The following POLA1 variants were observed in gnomAD, a reference collection of about 807,000 sequenced individuals.
POLA1 encodes DNA polymerase alpha catalytic subunit.
POLA1 carries 15 observed loss-of-function variants against 124.0 expected under a neutral mutation model. That is an observed-to-expected ratio of 0.12 (90% CI 0.08 to 0.19). The LOEUF is 0.19. Among genes scored for constraint, POLA1 ranks in the 10% least tolerant of loss-of-function variants. The pLI is 1.00. For synonymous variants in POLA1, 408 were observed against 389.4 expected (o/e 1.05, Z -0.56); for missense variants, 886 against 1,103.4 (o/e 0.80, Z 2.79).
At chrX:24,790,907 ATATG>A (rs1430012245) in intron 26 of POLA1, among the ~76,000 whole-genome samples, 1,266 of 71,629 alleles carry the variant, frequency 0.018, 25 homozygotes, top group African/African-American at 0.066. Flanking sequence ...TTATTTATGT[ATATG>A]TATATATATA....
At chrX:24,729,351 G>C (rs1191331357) in intron 15 of POLA1, among the ~76,000 whole-genome samples, 1 of 111,384 alleles carries the variant, frequency 9.0e-6, no homozygotes, top group African/African-American at 3.3e-5. Flanking sequence ...GATGTCCCCG[G>C]GTCAGGGGAT....
At chrX:24,905,136 C>T (rs953369010) in intron 35 of POLA1, among the ~76,000 whole-genome samples, 1 of 109,660 alleles carries the variant, frequency 9.1e-6, no homozygotes, top group Non-Finnish European at 1.9e-5. Flanking sequence ...AACCATCACC[C>T]AGAACCCAGG....
Position 24,750,476 on chromosome X carries a change from G to A in POLA1, c.2964+1484G>A, listed in dbSNP as rs751044332. Among the ~76,000 whole-genome samples, 315 of 112,264 alleles carry A rather than the reference G, an allele frequency of 2.8e-3. 3 individuals are homozygous for A. Among genetic ancestry groups the A allele is most frequent in the African/African-American group, 9.6e-3 (297 of 30,946 alleles). ...AATGTAGCTAGTGGCTACTGTGTTG[G>A]ACAGTGCAGATCTAGCTGGTATATG... On this transcript the variant is annotated intron_variant, in intron 26 of 36. Transcript: ENST00000379068.
chrX:24,949,923 G>A (rs6628043), intron 36 of POLA1, among the ~76,000 whole-genome samples: 4 of 108,799 alleles, frequency 3.7e-5, no homozygotes, highest in East Asian at 2.9e-4. Context: ...TAGTTGAGAC[G>A]GGGGATCACC....
intron 34 of POLA1, among the ~76,000 whole-genome samples, chrX:24,882,685 GT>G (rs2047018213): frequency 5.4e-4 from 3 of 5,588 alleles, no homozygotes; most frequent in South Asian, 0.013. Flanking sequence ...ATATTCCATG[GT>G]GTGTGTGTGT....
intron 4 of POLA1, among the ~76,000 whole-genome samples, chrX:24,708,268 A>G (rs1314180269): frequency 9.0e-6 from 1 of 110,760 alleles, no homozygotes; most frequent in Non-Finnish European, 1.9e-5. Context: ...TTGACTATTA[A>G]TTACATTCTG....
intron 34 of POLA1, among the ~76,000 whole-genome samples, chrX:24,862,048 T>A (rs1476872724): frequency 8.9e-6 from 1 of 111,936 alleles, no homozygotes; most frequent in Non-Finnish European, 1.9e-5. Context: ...AAGAGATTGA[T>A]TTAAGACAGC....
intron 26 of POLA1, among the ~76,000 whole-genome samples, chrX:24,792,201 C>T (rs955936337): frequency 1.8e-5 from 2 of 111,093 alleles, no homozygotes; most frequent in Non-Finnish European, 3.8e-5. Flanking sequence ...AACACTAAAA[C>T]TCTTGGGTTT....
rs147061577 is a variant in POLA1, at chrX:24,955,453, T to C, written c.4261+24904T>C. The stretch of plus-strand genomic sequence containing the variant: ...CCTTGGCCTCCTAATGTGTTGGGAT[T>C]ACAGGTGTGAGCCACCACACCAGCC... On this transcript the variant is annotated intron_variant, in intron 36 of 36. Transcript: ENST00000379068. Among the ~76,000 whole-genome samples the C allele has an allele frequency of 7.2e-5, 8 of 111,163 alleles. No homozygotes were observed. The East Asian group carries it at 2.3e-3, about 32-fold the overall frequency.
intron 35 of POLA1, among the ~76,000 whole-genome samples, chrX:24,927,514 G>C (rs2047713126): frequency 9.0e-6 from 1 of 111,291 alleles, no homozygotes; most frequent in African/African-American, 3.3e-5. Flanking sequence ...TATTACTCTG[G>C]TAACACTCCA....
At chrX:24,962,343 A>G (rs1347723855) in intron 36 of POLA1, among the ~76,000 whole-genome samples, 1 of 112,104 alleles carries the variant, frequency 8.9e-6, no homozygotes, top group South Asian at 3.6e-4. Flanking sequence ...CCTAATTACA[A>G]TATAGCACAA....
At position 24,747,732 on chromosome X, in the gene POLA1, CT is replaced by C. The variant is rs756889284; in HGVS notation, c.2692-559del. Among the ~76,000 whole-genome samples, 485 of 90,433 alleles carry C rather than the reference CT, an allele frequency of 5.4e-3. 3 individuals carry two copies. The highest frequency in any genetic ancestry group is 0.012 in the African/African-American group (287 of 23,836). 78.5% of individuals were successfully genotyped at this position (90,433 alleles called of 115,157 possible). A position where few individuals can be genotyped will look rare whatever the true frequency, so the allele number is the denominator to read the frequency against. On this transcript the variant is annotated intron_variant, in intron 24 of 36. Transcript: ENST00000379068. ...AGATAGCATGTGTAAAAATGTATCC[CT>C]TTTTTTTTTTTTTTTTTTTAAGACA...
intron 26 of POLA1, among the ~76,000 whole-genome samples, chrX:24,774,555 G>C (rs964713131): frequency 5.4e-5 from 6 of 111,185 alleles, no homozygotes; most frequent in African/African-American, 2.0e-4. Flanking sequence ...CTGGTTTCTT[G>C]CCTAAGTTCA....
intron 26 of POLA1, among the ~76,000 whole-genome samples, chrX:24,778,817 A>T (rs948125278): frequency 9.0e-6 from 1 of 111,706 alleles, no homozygotes; most frequent in Admixed American, 9.5e-5. Flanking sequence ...TTAGGATTTG[A>T]ACCCAGGTGG....
At chrX:24,974,832 C>G (rs1245832340) in intron 36 of POLA1, among the ~76,000 whole-genome samples, 2 of 111,286 alleles carry the variant, frequency 1.8e-5, no homozygotes, top group Non-Finnish European at 3.8e-5. Flanking sequence ...CAAAGAAACC[C>G]TAATATAGGG....
intron 4 of POLA1, among the ~76,000 whole-genome samples, chrX:24,713,108 G>A (rs1929572599): frequency 1.8e-5 from 2 of 110,859 alleles, no homozygotes; most frequent in African/African-American, 3.3e-5. Flanking sequence ...GGGATTACAG[G>A]CATGCACCAC....
intron 35 of POLA1, among the ~76,000 whole-genome samples, chrX:24,892,057 G>T (rs1035935607): frequency 9.0e-6 from 1 of 111,081 alleles, no homozygotes; most frequent in Non-Finnish European, 1.9e-5. Flanking sequence ...CTGCTGGCTC[G>T]CATTGCCAGA....
At chrX:24,727,727 T>G (rs776629103) in intron 14 of POLA1, 55 bp from the exon 15 acceptor site, 540 of 967,291 alleles carry the variant, frequency 5.6e-4, no homozygotes, top group Non-Finnish European at 7.4e-4. Flanking sequence ...TTAATTATAG[T>G]AGTTTTTCTT....
intron 10 of POLA1, among the ~76,000 whole-genome samples, chrX:24,720,787 A>G (rs896078934): frequency 1.8e-5 from 2 of 112,634 alleles, no homozygotes; most frequent in African/African-American, 6.5e-5. Flanking sequence ...GTAAGGATCT[A>G]GAGCTGCATT....
Sources: gnomAD v4.1 joint callset for allele counts (sites outside exome capture counted in the v4.1 genomes callset) on GRCh38, gnomAD v4.1.1 for gene constraint, MANE v1.5 for transcripts, NCBI Gene and HGNC (gene_info 2026-07-23, HGNC 2026-07-21) for gene names.